The following FHIP1A variants were observed in gnomAD, a reference collection of about 807,000 sequenced individuals.
The protein encoded by FHIP1A is FHF complex subunit HOOK interacting protein 1A.
A neutral mutation model predicts 88.6 loss-of-function variants in FHIP1A; 61 were observed. The ratio of observed to expected loss-of-function variants is 0.69; its 90% CI spans 0.56 to 0.85. FHIP1A has a LOEUF of 0.85. FHIP1A is among the 40% of genes least tolerant of loss of function. FHIP1A has a pLI of 0.00. For missense variants in FHIP1A, 1,154 were observed against 1,273.5 expected (o/e 0.91, Z 1.43); for synonymous variants, 478 against 496.0 (o/e 0.96, Z 0.48).
chr4:151,575,208 A>G (rs934963625), intron 4 of FHIP1A, among the ~76,000 whole-genome samples: 1 of 152,036 alleles, frequency 6.6e-6, no homozygotes, highest in African/African-American at 2.4e-5. Context: ...TCCTAAGTAA[A>G]CTCAATATAT....
At chr4:151,530,258 G>T (rs568686596) in intron 3 of FHIP1A, among the ~76,000 whole-genome samples, 1 of 152,148 alleles carries the variant, frequency 6.6e-6, no homozygotes, top group East Asian at 1.9e-4. Context: ...CCCTTCACAG[G>T]TTCTGTACAC....
intron 2 of FHIP1A, among the ~76,000 whole-genome samples, chr4:151,473,051 T>C (rs1271902436): frequency 6.6e-6 from 1 of 152,202 alleles, no homozygotes; most frequent in African/African-American, 2.4e-5. Context: ...TCTTCTGTGC[T>C]TTGAAGTTTC....
intron 3 of FHIP1A, among the ~76,000 whole-genome samples, chr4:151,504,412 GA>G (rs1730753202): frequency 6.6e-6 from 1 of 151,960 alleles, no homozygotes; most frequent in South Asian, 2.1e-4. Context: ...TTATTTAAGT[GA>G]ATAGAAAAGA....
intron 2 of FHIP1A, among the ~76,000 whole-genome samples, chr4:151,459,733 A>G (rs895751592): frequency 1.3e-5 from 2 of 152,142 alleles, no homozygotes; most frequent in Non-Finnish European, 2.9e-5. Flanking sequence ...AATCTTTGTT[A>G]TTTACCTTCA....
chr4:151,539,469 C>T (rs1011947147), intron 3 of FHIP1A, among the ~76,000 whole-genome samples: 6 of 143,832 alleles, frequency 4.2e-5, no homozygotes, highest in Non-Finnish European at 7.5e-5. Context: ...AAGGCTGGGG[C>T]GGGAGAATAG....
At chr4:151,478,172 C>T (rs4479686) in intron 2 of FHIP1A, among the ~76,000 whole-genome samples, 101,836 of 152,042 alleles carry the variant, frequency 0.67, 35,956 homozygotes, top group African/African-American at 0.92. Flanking sequence ...AAATGTTCGA[C>T]CATAAAAATC....
chr4:151,520,234 G>T (rs1731402764), intron 3 of FHIP1A, among the ~76,000 whole-genome samples: 1 of 151,904 alleles, frequency 6.6e-6, no homozygotes, highest in Admixed American at 6.6e-5. Flanking sequence ...CAGTTTTTTT[G>T]AGTGATGTTA....
chr4:151,468,298 A>AC (rs1729397490), intron 2 of FHIP1A, among the ~76,000 whole-genome samples: 1 of 151,578 alleles, frequency 6.6e-6, no homozygotes, highest in African/African-American at 2.4e-5. Context: ...AAAAAAAAAA[A>AC]AAAAAAAAAA....
intron 1 of FHIP1A, among the ~76,000 whole-genome samples, chr4:151,441,763 C>A (rs757615219): frequency 6.6e-6 from 1 of 152,144 alleles, no homozygotes; most frequent in Non-Finnish European, 1.5e-5. Flanking sequence ...AATATTTTTT[C>A]TTGTTCTGTG....
rs1737607844 is a variant in FHIP1A, at chr4:151,664,948, T to A, written c.*2194T>A. Among the ~76,000 whole-genome samples the A allele has an allele frequency of 6.6e-6, 1 of 152,214 alleles. No homozygotes were observed. Among genetic ancestry groups the A allele is most frequent in the Non-Finnish European group, 1.5e-5 (1 of 68,042 alleles). ...GATTGATTTTGTGCCTCTTACTGTT[T>A]TTTTCAATAGGTACTGAAATAAACT... On this transcript the variant is annotated 3_prime_UTR_variant, in exon 14 of 14. Coordinates refer to ENST00000435205, the MANE Select transcript of FHIP1A (RefSeq NM_001109977.3).
intron 3 of FHIP1A, among the ~76,000 whole-genome samples, chr4:151,538,349 G>A (rs1190685245): frequency 6.6e-6 from 1 of 152,178 alleles, no homozygotes; most frequent in Admixed American, 6.5e-5. Flanking sequence ...GCTTGGTATA[G>A]GGCCTGGTAA....
At chr4:151,466,126 A>C (rs1408786174) in intron 2 of FHIP1A, among the ~76,000 whole-genome samples, 1 of 152,354 alleles carries the variant, frequency 6.6e-6, no homozygotes, top group African/African-American at 2.4e-5. Flanking sequence ...AAGCAACTTC[A>C]GCAGAGTTTC....
At chr4:151,620,978 G>A (rs1025086260) in intron 7 of FHIP1A, among the ~76,000 whole-genome samples, 33 of 151,760 alleles carry the variant, frequency 2.2e-4, no homozygotes, top group Admixed American at 1.6e-3. Flanking sequence ...GATCTGGTCT[G>A]AAAGTTGGTG....
chr4:151,463,686 C>T (rs1729212781), intron 2 of FHIP1A, among the ~76,000 whole-genome samples: 1 of 152,138 alleles, frequency 6.6e-6, no homozygotes, highest in Non-Finnish European at 1.5e-5. Flanking sequence ...AATTATGTGT[C>T]ACAAAGAAAA....
chr4:151,610,508 G>A (rs1224447776), intron 7 of FHIP1A, among the ~76,000 whole-genome samples: 1 of 151,690 alleles, frequency 6.6e-6, no homozygotes, highest in Non-Finnish European at 1.5e-5. Flanking sequence ...GTGTAGACTT[G>A]GTAGAACCCA....
chr4:151,648,246 T>C (rs529495041), intron 10 of FHIP1A, among the ~76,000 whole-genome samples: 1 of 152,328 alleles, frequency 6.6e-6, no homozygotes, highest in East Asian at 1.9e-4. Flanking sequence ...ATCTGTAAAA[T>C]AGTACCTACT....
chr4:151,461,085 G>A (rs552888604), intron 2 of FHIP1A, among the ~76,000 whole-genome samples: 8 of 152,328 alleles, frequency 5.3e-5, no homozygotes, highest in Admixed American at 5.2e-4. Context: ...AATCTGGAGA[G>A]GACAAATAGG....
At chr4:151,583,139 T>C (rs559324317) in intron 5 of FHIP1A, among the ~76,000 whole-genome samples, 6 of 152,236 alleles carry the variant, frequency 3.9e-5, no homozygotes, top group Non-Finnish European at 5.9e-5. Flanking sequence ...TCTAGAAATA[T>C]GTGCAGTCTG....
chr4:151,545,315 A>AT (rs1732449743), intron 3 of FHIP1A, among the ~76,000 whole-genome samples: 1 of 150,944 alleles, frequency 6.6e-6, no homozygotes. Flanking sequence ...ATATCCACCC[A>AT]TATTGCTAAT....
Sources: gnomAD v4.1 joint callset for allele counts (sites outside exome capture counted in the v4.1 genomes callset) on GRCh38, gnomAD v4.1.1 for gene constraint, MANE v1.5 for transcripts, NCBI Gene and HGNC (gene_info 2026-07-23, HGNC 2026-07-21) for gene names.